The following STK4 variants were observed in gnomAD, a reference collection of about 807,000 sequenced individuals.
STK4 encodes serine/threonine kinase 4, also known as serine/threonine-protein kinase 4.
In STK4, 30 loss-of-function variants were observed where a neutral mutation model predicts 64.9. The ratio of observed to expected loss-of-function variants is 0.46; its 90% CI spans 0.35 to 0.63. STK4 has a LOEUF of 0.63. Among genes scored for constraint, STK4 ranks in the 20% least tolerant of loss-of-function variants. The probability of loss-of-function intolerance (pLI) is 0.01; values close to 1 mark genes in which losing one functional copy is unlikely to be tolerated. For missense variants in STK4, 466 were observed against 598.5 expected, an observed-to-expected ratio of 0.78 and a Z score of 2.31; for synonymous variants, 177 against 199.0, an observed-to-expected ratio of 0.89 and a Z score of 0.93.
intron 10 of STK4, chr20:45,052,985 T>A (rs1978296460): frequency 1.1e-6 from 1 of 919,110 alleles, no homozygotes. Context: ...TATTTTTGTT[T>A]CAACTTCTTA....
chr20:45,053,908 T>TG (rs202012857), intron 10 of STK4, among the ~76,000 whole-genome samples: 7 of 151,254 alleles, frequency 4.6e-5, no homozygotes, highest in Non-Finnish European at 8.8e-5. Flanking sequence ...TTTTGTTTTT[T>TG]GTTTTTTTTT....
At chr20:45,046,589 TC>T (rs2068698726) in intron 10 of STK4, among the ~76,000 whole-genome samples, 1 of 152,118 alleles carries the variant, frequency 6.6e-6, no homozygotes, top group Non-Finnish European at 1.5e-5. Flanking sequence ...AGGCACTTGT[TC>T]CTGAATTTTT....
chr20:45,008,364 T>C (rs986819257), intron 9 of STK4, among the ~76,000 whole-genome samples: 1 of 152,200 alleles, frequency 6.6e-6, no homozygotes, highest in Admixed American at 6.5e-5. Flanking sequence ...CTAATTGCAT[T>C]CTTTTTTTAT....
At chr20:45,000,917 C>G (rs1309910506) in intron 8 of STK4, among the ~76,000 whole-genome samples, 2 of 152,116 alleles carry the variant, frequency 1.3e-5, no homozygotes, top group Non-Finnish European at 2.9e-5. Flanking sequence ...TTTCTTAGAT[C>G]TATGTCACAA....
At chr20:45,072,310 G>T (rs564755690) in intron 10 of STK4, among the ~76,000 whole-genome samples, 8 of 152,186 alleles carry the variant, frequency 5.3e-5, no homozygotes, top group African/African-American at 1.9e-4. Flanking sequence ...TGCAGAATAA[G>T]TTGCAAAGTC....
intron 10 of STK4, among the ~76,000 whole-genome samples, chr20:45,054,915 G>T (rs1324575468): frequency 1.3e-5 from 2 of 152,106 alleles, no homozygotes; most frequent in Non-Finnish European, 2.9e-5. Context: ...GGCAATACAG[G>T]CAGAGCTTAA....
At chr20:45,052,923 C>G (rs1978295817) in intron 10 of STK4, among the ~76,000 whole-genome samples, 1 of 152,200 alleles carries the variant, frequency 6.6e-6, no homozygotes, top group South Asian at 2.1e-4. Flanking sequence ...GTAGTCCTGT[C>G]GAGCAGTTTC....
intron 3 of STK4, among the ~76,000 whole-genome samples, chr20:44,980,890 G>A (rs931804968): frequency 2.0e-5 from 3 of 151,998 alleles, no homozygotes; most frequent in Non-Finnish European, 4.4e-5. Flanking sequence ...GGATGGTCTC[G>A]ATCTCCTGAC....
At chr20:45,056,979 G>A (rs1373136786) in intron 10 of STK4, among the ~76,000 whole-genome samples, 1 of 152,246 alleles carries the variant, frequency 6.6e-6, no homozygotes, top group East Asian at 1.9e-4. Context: ...ACCTTCTGGA[G>A]TGCTGGCAGA....
intron 4 of STK4, among the ~76,000 whole-genome samples, chr20:44,985,957 G>A (rs1448792125): frequency 6.6e-6 from 1 of 152,180 alleles, no homozygotes; most frequent in Admixed American, 6.5e-5. Context: ...TTGATAGATT[G>A]AGTTTGTTTA....
chr20:45,005,647 C>CAAAAA (rs1214893882), intron 9 of STK4, among the ~76,000 whole-genome samples: 31 of 65,428 alleles, frequency 4.7e-4, no homozygotes, highest in African/African-American at 7.4e-4. Flanking sequence ...GACTCTGTCT[C>CAAAAA]AAAAAAAAAA....
At chr20:45,039,766 A>T (rs772394867) in intron 10 of STK4, among the ~76,000 whole-genome samples, 25 of 152,118 alleles carry the variant, frequency 1.6e-4, no homozygotes, top group Admixed American at 3.3e-4. Flanking sequence ...AAGGATTTTT[A>T]AAAAACTGTA....
At chr20:44,999,761 A>G (rs1263352716) in intron 7 of STK4, among the ~76,000 whole-genome samples, 1 of 152,206 alleles carries the variant, frequency 6.6e-6, no homozygotes, top group Non-Finnish European at 1.5e-5. Context: ...TTTGCACTAA[A>G]ATCCTTTTTA....
chr20:44,988,533 G>GTATATATATATATATATA (rs71197589), intron 5 of STK4, among the ~76,000 whole-genome samples: 39 of 101,570 alleles, frequency 3.8e-4, no homozygotes, highest in African/African-American at 7.6e-4. Context: ...ATGTGTGTGT[G>GTATATATATATATATATA]TATATATATA....
At chr20:45,010,523 G>A (rs1391028266) in intron 9 of STK4, among the ~76,000 whole-genome samples, 1 of 152,208 alleles carries the variant, frequency 6.6e-6, no homozygotes, top group African/African-American at 2.4e-5. Context: ...CAACCATGCT[G>A]TGTGGTAAAT....
chr20:45,062,047 T>G (rs1979076842), intron 10 of STK4, among the ~76,000 whole-genome samples: 1 of 151,952 alleles, frequency 6.6e-6, no homozygotes, highest in Non-Finnish European at 1.5e-5. Context: ...ACCCAGCTAA[T>G]TTTTGTATTT....
intron 10 of STK4, among the ~76,000 whole-genome samples, chr20:45,074,486 T>A (rs1211369092): frequency 6.6e-6 from 1 of 152,036 alleles, no homozygotes; most frequent in Non-Finnish European, 1.5e-5. Context: ...ATGCTGGTGA[T>A]GATAATAGGG....
chr20:44,975,500 A>G, intron 2 of STK4: 2 of 380,774 alleles, frequency 5.3e-6, no homozygotes, highest in Non-Finnish European at 7.2e-6. Flanking sequence ...ATTATTTTAA[A>G]TATAAGGATA....
chr20:45,076,794 G>A lies in STK4; in HGVS notation c.*1618G>A, dbSNP rs1004647507. 3.3e-5 allele frequency: 5 copies of A among 152,270 alleles called. No individual in the cohort carries two copies. Among genetic ancestry groups the A allele is most frequent in the African/African-American group, 1.2e-4 (5 of 41,546 alleles). The allele number at this position is 152,270 out of a possible 1,614,324, so 9.4% of individuals were successfully genotyped here. ...TAATTGCTTTTGCTCCTGAAACCTG[G>A]GAATCAATGGAAAGGCAGGGAATGT... On this transcript the variant is annotated 3_prime_UTR_variant, in exon 11 of 11. Coordinates refer to ENST00000372806, the MANE Select transcript of STK4 (RefSeq NM_006282.5). This position sits in a 1 kb window ranked among gnomAD's most constrained non-coding sequence, Gnocchi z 4.0.
Sources: allele counts gnomAD v4.1 joint callset (sites outside exome capture counted in the v4.1 genomes callset), GRCh38; gene constraint gnomAD v4.1.1; non-coding constraint Gnocchi (gnomAD v3.1); transcripts MANE v1.5; gene names NCBI Gene and HGNC (gene_info 2026-07-23, HGNC 2026-07-21).